ATXN7L2: variants seen among roughly 807,000 people sequenced by gnomAD.
The protein encoded by ATXN7L2 is ataxin 7 like 2.
Under a neutral mutation model 59.6 loss-of-function variants are expected in ATXN7L2, and 17 were observed. The ratio of observed to expected loss-of-function variants is 0.29; its 90% CI spans 0.20 to 0.43. The LOEUF (loss-of-function observed/expected upper bound fraction) is 0.43. ATXN7L2 is among the 20% of genes least tolerant of loss of function. The pLI is 1.00. For synonymous variants in ATXN7L2, 378 were observed against 392.5 expected (o/e 0.96, Z 0.44); for missense variants, 858 against 1,008.9 (o/e 0.85, Z 2.03).
chr1:109,490,816 T>C, intron 9 of ATXN7L2, 106 bp from the exon 10 acceptor site: 1 of 1,293,162 alleles, frequency 7.7e-7, no homozygotes, highest in Non-Finnish European at 1.1e-6. Context: ...ACTCTGGGGC[T>C]CTGCTGACCA....
intron 1 of ATXN7L2, 67 bp downstream of exon 1, chr1:109,484,147 G>A: frequency 2.4e-6 from 3 of 1,247,022 alleles, no homozygotes; most frequent in Admixed American, 3.7e-5. Context: ...CCGGGCCCCC[G>A]CCAGCTGAGG....
In ATXN7L2 at chr1:109,486,729, G is replaced by C; in HGVS notation, c.298+119G>C. On this transcript the variant is annotated intron_variant, in intron 3 of 10. Transcript: ENST00000683729. This position sits in a 1 kb window ranked among gnomAD's most constrained non-coding sequence, Gnocchi z 4.3. ...TGGAGGGTGGTGTTGAGGATAGGAA[G>C]GTTGTGGGGGTGGCTTCAGAGCATT... 1.1e-6 allele frequency: 1 copy of C among 883,688 alleles called. No individual in the cohort carries two copies. The highest frequency in any genetic ancestry group is 1.8e-5 in the South Asian group (1 of 56,756). The allele number at this position is 883,688 out of a possible 1,614,324, so 54.7% of individuals were successfully genotyped here.
At chr1:109,487,369 G>A (rs1419394722) in intron 4 of ATXN7L2, 149 bp from the exon 5 acceptor site, 1 of 1,162,774 alleles carries the variant, frequency 8.6e-7, no homozygotes, top group African/African-American at 1.6e-5. Flanking sequence ...TTCCAGGGAA[G>A]ATGGGGTCTC....
Position 109,486,999 on chromosome 1 carries a change from G to C in ATXN7L2, c.299-8G>C, listed in dbSNP as rs776638868. On this transcript the variant is annotated splice_region_variant and splice_polypyrimidine_tract_variant and intron_variant, in intron 3 of 10. Coordinates refer to ENST00000683729, the MANE Select transcript of ATXN7L2 (RefSeq NM_001350175.2). The surrounding 1 kb of genome is among the most constrained non-coding windows in gnomAD (Gnocchi z 4.3). ...ACCTTGATTATTCTTTCCACCTCCT[G>C]GTGACAGAAAGAAGACATGGGCCCC... The C allele has an allele frequency of 1.3e-6, 2 of 1,574,848 alleles. No homozygotes were observed. Among genetic ancestry groups the C allele is most frequent in the Non-Finnish European group, 8.6e-7 (1 of 1,161,334 alleles).
In ATXN7L2 at chr1:109,488,490, G is replaced by A. The variant is rs1429421735; in HGVS notation, c.879+25G>A. On this transcript the variant is annotated intron_variant, in intron 6 of 10. Coordinates refer to ENST00000683729, the MANE Select transcript of ATXN7L2 (RefSeq NM_001350175.2). This position sits in a 1 kb window ranked among gnomAD's most constrained non-coding sequence, Gnocchi z 5.0. ...GGTAACCCCCTTCCCACTGCACGGT[G>A]AGGGAGGACAGCACAGGGCTTGCCC... The A allele has an allele frequency of 1.3e-6, 2 of 1,587,906 alleles. No individual in the cohort carries two copies. The highest frequency in any genetic ancestry group is 1.7e-6 in the Non-Finnish European group (2 of 1,159,810).
chr1:109,486,087 CGAA>C lies in ATXN7L2; in HGVS notation c.163_165del (p.Lys55del). The C allele has an allele frequency of 2.5e-6, 4 of 1,600,186 alleles. No individual in the cohort carries two copies. Among genetic ancestry groups the C allele is most frequent in the Non-Finnish European group, 1.7e-6 (2 of 1,174,696 alleles). The stretch of plus-strand genomic sequence containing the variant: ...GAGCTGGAGGAGAGTAGCAAAAACA[CGAA>C]GAAGTTGGATGCCATGACCCTCATT... On this transcript the variant is annotated inframe_deletion, in exon 2 of 11. Transcript: ENST00000683729. The surrounding 1 kb of genome is among the most constrained non-coding windows in gnomAD (Gnocchi z 4.3).
chr1:109,484,059 G>T lies in ATXN7L2; in HGVS notation c.106G>T (p.Ala36Ser). 1 of 1,519,432 alleles carries T rather than the reference G, an allele frequency of 6.6e-7. No homozygotes were observed. Among genetic ancestry groups the T allele is most frequent in the East Asian group, 2.7e-5 (1 of 37,152 alleles). The allele number at this position is 1,519,432 out of a possible 1,614,324, so 94.1% of individuals were successfully genotyped here. A position where few individuals can be genotyped will look rare whatever the true frequency, so the allele number is the denominator to read the frequency against. Residue 36 changes from alanine to serine, a missense_variant, in exon 1 of 11, where the codon GCC (alanine) becomes TCC (serine). Ala to Ser is a moderately conservative substitution (Grantham distance 99). This residue lies in a region of ATXN7L2 where 95 missense variants were observed against 82.6 expected (regional missense o/e 1.15). Transcript: ENST00000683729. ...GAGCTGGAGCTCGTGGGTGGAGCGG[G>T]CCGACCTGCCCGCGGCTGACGGTGA... is the stretch of plus-strand genomic sequence containing the variant. Reference protein sequence around the residue: ...GQSWSSWVERADLPAADGAEL... With the variant: ...GQSWSSWVERSDLPAADGAEL...
At chr1:109,484,869 C>T (rs1557866855) in intron 1 of ATXN7L2, among the ~76,000 whole-genome samples, 3 of 152,192 alleles carry the variant, frequency 2.0e-5, no homozygotes, top group South Asian at 4.1e-4. Context: ...ACGGAGGGGT[C>T]TCTAATGACA....
chr1:109,489,314 G>T (rs1266202325), intron 7 of ATXN7L2: 2 of 618,220 alleles, frequency 3.2e-6, no homozygotes, highest in Non-Finnish European at 5.5e-6. Context: ...TCTCGGCAGT[G>T]TGCCAGATCC....
At chr1:109,484,192 G>C in intron 1 of ATXN7L2, 112 bp downstream of exon 1, 1 of 1,128,764 alleles carries the variant, frequency 8.9e-7, no homozygotes, top group East Asian at 3.5e-5. Flanking sequence ...CCGGCTCCCC[G>C]GCCCCCCAAA....
Position 109,483,910 on chromosome 1 carries a change from CCGCGCGGCGGCGGCGCCAGGGCGGG to C in ATXN7L2, c.-37_-13del. 2 of 1,147,034 alleles carry C rather than the reference CCGCGCGGCGGCGGCGCCAGGGCGGG, an allele frequency of 1.7e-6. No homozygotes were observed. The highest frequency in any genetic ancestry group is 2.1e-6 in the Non-Finnish European group (2 of 934,144). The allele number at this position is 1,147,034 out of a possible 1,614,324, so 71.1% of individuals were successfully genotyped here. ...CCGCGACGGGGCGAGGGGGAGGGGG[CCGCGCGGCGGCGGCGCCAGGGCGGG>C]CGCGCGTCCGCGGCGGTGATGGCGG... On this transcript the variant is annotated 5_prime_UTR_variant, in exon 1 of 11. Coordinates refer to ENST00000683729, the MANE Select transcript of ATXN7L2 (RefSeq NM_001350175.2).
Position 109,491,470 on chromosome 1 carries a change from T to A in ATXN7L2, c.2003T>A (p.Leu668His), listed in dbSNP as rs1571094692. 1 of 1,613,830 alleles carries A rather than the reference T, an allele frequency of 6.2e-7. No individual in the cohort carries two copies. The highest frequency in any genetic ancestry group is 2.2e-5 in the East Asian group (1 of 44,874). The part of the protein sequence containing the change: ...PLDCRGSPHQ[L>H]PTPVKASQLE... ...GACTGTCGTGGCTCCCCTCATCAGC[T>A]CCCCACACCAGTCAAGGCTTCTCAG... is the stretch of plus-strand genomic sequence containing the variant. The change falls in exon 10 of 11, where the codon CTC (leucine) becomes CAC (histidine). Residue 668 changes from leucine to histidine, a missense_variant. By Grantham distance (99) the Leu-to-His change is moderately conservative (BLOSUM62 -3). This residue lies in a region of ATXN7L2 where 734 missense variants were observed against 862.3 expected (regional missense o/e 0.85). Coordinates refer to ENST00000683729, the MANE Select transcript of ATXN7L2 (RefSeq NM_001350175.2). The surrounding 1 kb of genome is among the most constrained non-coding windows in gnomAD (Gnocchi z 4.1).
In ATXN7L2 at chr1:109,488,676, AAGG is replaced by A. The variant is rs1656773230; in HGVS notation, c.880-167_880-165del. ...GGAGTTTCCAGATTCCCCCATCCCA[AAGG>A]AGGGTTTTGGCCCCATGGGGGAATG... On this transcript the variant is annotated intron_variant, in intron 6 of 10. Transcript: ENST00000683729. The surrounding 1 kb of genome is among the most constrained non-coding windows in gnomAD (Gnocchi z 5.0). Among the ~76,000 whole-genome samples the A allele has an allele frequency of 6.6e-6, 1 of 152,164 alleles. No homozygotes were observed. Among genetic ancestry groups the A allele is most frequent in the Non-Finnish European group, 1.5e-5 (1 of 68,022 alleles).
intron 1 of ATXN7L2, 136 bp from the exon 2 acceptor site, chr1:109,485,921 C>G: frequency 7.5e-7 from 1 of 1,341,228 alleles, no homozygotes. Flanking sequence ...TACTGTTGAG[C>G]TGCAGGCCCT....
At chr1:109,489,209 G>A in intron 7 of ATXN7L2, 109 bp downstream of exon 7, 3 of 1,404,508 alleles carry the variant, frequency 2.1e-6, no homozygotes, top group Non-Finnish European at 2.9e-6. Context: ...CACTCCCTCA[G>A]CCCTGAGTGT....
chr1:109,491,418 C>G lies in ATXN7L2; in HGVS notation c.1951C>G (p.Pro651Ala), dbSNP rs372614457. ...CATGGGGCTTAATGGGACAATGGGGCCAAGAGTGAAGCGGGCAGGGCCCCT... is the reference window on the plus strand; with the variant it reads ...CATGGGGCTTAATGGGACAATGGGGGCAAGAGTGAAGCGGGCAGGGCCCCT... ...LSMGLNGTMGPRVKRAGPLDC... is the reference protein window; with the variant it reads ...LSMGLNGTMGARVKRAGPLDC... The change falls in exon 10 of 11, where the codon CCA becomes GCA. Residue 651 changes from proline to alanine, a missense_variant. Coordinates refer to ENST00000683729, the MANE Select transcript of ATXN7L2 (RefSeq NM_001350175.2). This position sits in a 1 kb window ranked among gnomAD's most constrained non-coding sequence, Gnocchi z 4.1. 6.2e-7 allele frequency: 1 copy of G among 1,614,198 alleles called. No individual in the cohort carries two copies. The highest frequency in any genetic ancestry group is 1.1e-5 in the South Asian group (1 of 91,088).
At chr1:109,485,557 A>C in intron 1 of ATXN7L2, 2 of 985,618 alleles carry the variant, frequency 2.0e-6, no homozygotes, top group Non-Finnish European at 2.4e-6. Context: ...GGGACCTGGG[A>C]GAGTATCTAT....
chr1:109,489,264 C>CT (rs1656836769), intron 7 of ATXN7L2, 164 bp downstream of exon 7: 1 of 937,922 alleles, frequency 1.1e-6, no homozygotes, highest in Admixed American at 2.9e-5. Context: ...AAGCAGGAGA[C>CT]TCCCCTGTTT....
In ATXN7L2 at chr1:109,491,515, C is replaced by G; in HGVS notation, c.2048C>G (p.Ala683Gly). ...KASQLENRGA[A>G]GHPAKALPTN... Reference sequence around the variant, plus strand: ...TCTCAGCTGGAGAACCGGGGAGCAGCTGGACACCCAGCCAAGGCCCTGCCA... The same window carrying G: ...TCTCAGCTGGAGAACCGGGGAGCAGGTGGACACCCAGCCAAGGCCCTGCCA... The change falls in exon 10 of 11, where the codon GCT becomes GGT. Residue 683 changes from alanine to glycine, a missense_variant. Ala to Gly is a moderately conservative substitution (Grantham distance 60). Transcript: ENST00000683729. The surrounding 1 kb of genome is among the most constrained non-coding windows in gnomAD (Gnocchi z 4.1). 3 of 1,613,976 alleles carry G rather than the reference C, an allele frequency of 1.9e-6. No individual in the cohort carries two copies. The highest frequency in any genetic ancestry group is 2.5e-6 in the Non-Finnish European group (3 of 1,180,028).
Sources: gnomAD v4.1 joint callset for allele counts (sites outside exome capture counted in the v4.1 genomes callset) on GRCh38, gnomAD v4.1.1 for gene constraint, gnomAD v4.1.1 regional missense constraint, Gnocchi (gnomAD v3.1) non-coding constraint, MANE v1.5 for transcripts, NCBI Gene and HGNC (gene_info 2026-07-23, HGNC 2026-07-21) for gene names.